The following DNAH11 variants were observed in gnomAD, a reference collection of about 807,000 sequenced individuals.
DNAH11 encodes dynein axonemal heavy chain 11.
A neutral mutation model predicts 526.0 loss-of-function variants in DNAH11; 442 were observed. The ratio of observed to expected loss-of-function variants is 0.84; its 90% CI spans 0.78 to 0.91. The LOEUF (loss-of-function observed/expected upper bound fraction) is 0.91, where lower values mean the gene tolerates loss of function less well. Ranked by LOEUF, DNAH11 falls within the 40% of genes least tolerant of loss-of-function variation. DNAH11 has a pLI of 0.00. For synonymous variants in DNAH11, 2,461 were observed against 1,935.9 expected (o/e 1.27, Z -7.12); for missense variants, 6,989 against 5,448.7 (o/e 1.28, Z -8.90).
chr7:21,579,282 A>T (rs1044163717), intron 8 of DNAH11, among the ~76,000 whole-genome samples: 4 of 152,202 alleles, frequency 2.6e-5, no homozygotes, highest in Admixed American at 2.6e-4. Context: ...TTATTCTGTA[A>T]TATATATTTA....
intron 66 of DNAH11, among the ~76,000 whole-genome samples, chr7:21,847,860 C>T (rs1268285352): frequency 1.3e-5 from 2 of 152,108 alleles, no homozygotes; most frequent in Non-Finnish European, 2.9e-5. Context: ...TAGGTGCATA[C>T]ACATTAAAGA....
At chr7:21,622,139 A>G (rs1786091497) in intron 25 of DNAH11, among the ~76,000 whole-genome samples, 1 of 152,186 alleles carries the variant, frequency 6.6e-6, no homozygotes, top group Admixed American at 6.5e-5. Context: ...TACAAAATCA[A>G]CGTACAAAAA....
intron 28 of DNAH11, among the ~76,000 whole-genome samples, chr7:21,650,461 C>A (rs774006789): frequency 1.3e-5 from 2 of 150,796 alleles, no homozygotes; most frequent in Non-Finnish European, 2.9e-5. Flanking sequence ...TTGTAATATT[C>A]CTCTACAATT....
rs756575486 is a variant in DNAH11, at chr7:21,561,080, C to T, written c.892C>T (p.Pro298Ser). ...TTTTCCTTTAACTTAGCTTCAGGCA[C>T]CTGTTGTCCTCAAAATGGTTAAGAT... ...LSCIYDQLQA[P>S]VVLKMVKILT... The change falls in exon 5 of 82, where the codon CCT becomes TCT. Residue 298 changes from proline (P) to serine (S), a missense_variant. Transcript: ENST00000409508. 3.1e-6 allele frequency: 5 copies of T among 1,596,466 alleles called. No homozygotes were observed. In the African/African-American group the frequency reaches 4.0e-5, roughly 13 times the overall value.
chr7:21,795,277 C>G (rs376342066), intron 61 of DNAH11, among the ~76,000 whole-genome samples: 14 of 152,304 alleles, frequency 9.2e-5, no homozygotes, highest in African/African-American at 3.4e-4. Context: ...TACCTAGTAC[C>G]TAGTGGGTAC....
intron 40 of DNAH11, among the ~76,000 whole-genome samples, chr7:21,710,313 G>C (rs1234577212): frequency 1.3e-5 from 2 of 152,114 alleles, no homozygotes; most frequent in African/African-American, 4.8e-5. Flanking sequence ...TGTTATCTCT[G>C]TTTGGCATAT....
chr7:21,842,693 C>T lies in DNAH11; in HGVS notation c.10841C>T (p.Ala3614Val), dbSNP rs747186804. ...ACAGTCACAGAAGATGGTCTAGAAG[C>T]CCAGCTGCTGGCAGAGGTTGTCAGT... is the stretch of plus-strand genomic sequence containing the variant. ...NFTVTEDGLE[A>V]QLLAEVVSIE... Residue 3614 changes from alanine (A) to valine (V), a missense_variant, in exon 66 of 82, where the codon GCC becomes GTC. Coordinates refer to ENST00000409508, the MANE Select transcript of DNAH11 (RefSeq NM_001277115.2). The T allele has an allele frequency of 1.2e-6, 2 of 1,613,656 alleles. No homozygotes were observed. Among genetic ancestry groups the T allele is most frequent in the African/African-American group, 2.7e-5 (2 of 75,032 alleles).
intron 56 of DNAH11, among the ~76,000 whole-genome samples, chr7:21,775,615 C>CAAA (rs11325043): frequency 3.4e-5 from 5 of 148,186 alleles, no homozygotes; most frequent in African/African-American, 9.9e-5. Flanking sequence ...GACCCTGTCT[C>CAAA]AAAAAAAAAA....
intron 5 of DNAH11, among the ~76,000 whole-genome samples, chr7:21,562,704 C>T (rs1380720867): frequency 2.7e-5 from 4 of 149,190 alleles, no homozygotes; most frequent in Non-Finnish European, 5.9e-5. Flanking sequence ...TATTTAAGGG[C>T]ACTTACCTAC....
intron 65 of DNAH11, among the ~76,000 whole-genome samples, chr7:21,825,616 C>CT (rs11375499): frequency 0.14 from 21,237 of 146,754 alleles, 1,782 homozygotes; most frequent in East Asian, 0.32. Context: ...TTCCTGCCTC[C>CT]TTTTTTTTTT....
At chr7:21,665,836 C>T (rs1782400985) in intron 30 of DNAH11, among the ~76,000 whole-genome samples, 1 of 152,050 alleles carries the variant, frequency 6.6e-6, no homozygotes, top group African/African-American at 2.4e-5. Context: ...GTGACTGGCA[C>T]TAACATGTAT....
chr7:21,588,543 A>G lies in DNAH11; in HGVS notation c.1880A>G (p.Asn627Ser), dbSNP rs780154941. ...IECGHVVLNK[N>S]MPFTSGNMKW... ...TGTGGTCATGTAGTTCTTAACAAGA[A>G]CATGCCATTTACCTCAGGAAATATG... The change falls in exon 11 of 82, where the codon AAC (asparagine) becomes AGC (serine). Residue 627 changes from asparagine to serine, a missense_variant. Asn to Ser is a conservative substitution (Grantham distance 46). Coordinates refer to ENST00000409508, the MANE Select transcript of DNAH11 (RefSeq NM_001277115.2). The G allele has an allele frequency of 6.2e-7, 1 of 1,613,784 alleles. No individual in the cohort carries two copies. The highest frequency in any genetic ancestry group is 1.7e-5 in the Admixed American group (1 of 60,030).
intron 66 of DNAH11, among the ~76,000 whole-genome samples, chr7:21,844,750 T>C (rs1208751758): frequency 6.6e-6 from 1 of 152,234 alleles, no homozygotes; most frequent in African/African-American, 2.4e-5. Context: ...AATCATGTTT[T>C]ACTAAGCCAT....
intron 48 of DNAH11, among the ~76,000 whole-genome samples, chr7:21,740,927 A>T (rs1182624145): frequency 6.6e-6 from 1 of 152,180 alleles, no homozygotes; most frequent in Non-Finnish European, 1.5e-5. Context: ...AATCATGCTA[A>T]TGAGTGTGAG....
At chr7:21,664,732 A>G (rs757858731) in intron 30 of DNAH11, among the ~76,000 whole-genome samples, 27 of 152,122 alleles carry the variant, frequency 1.8e-4, no homozygotes, top group Non-Finnish European at 7.4e-5. Context: ...AAGTGCTGGA[A>G]TTACAGGTGT....
intron 14 of DNAH11, among the ~76,000 whole-genome samples, chr7:21,595,278 C>G (rs1263739137): frequency 6.6e-6 from 1 of 152,184 alleles, no homozygotes; most frequent in Non-Finnish European, 1.5e-5. Flanking sequence ...CCCTCAGGAC[C>G]TAATCACCTC....
At chr7:21,644,547 G>C (rs937226249) in intron 28 of DNAH11, among the ~76,000 whole-genome samples, 1 of 152,144 alleles carries the variant, frequency 6.6e-6, no homozygotes, top group African/African-American at 2.4e-5. Flanking sequence ...AAGATAAGAC[G>C]TATCTAATGT....
Position 21,564,355 on chromosome 7 carries a change from T to TA in DNAH11, c.1153dup (p.Ile385AsnfsTer9). On this transcript the variant is annotated frameshift_variant, in exon 6 of 82. Coordinates refer to ENST00000409508, the MANE Select transcript of DNAH11 (RefSeq NM_001277115.2). LOFTEE classifies it high-confidence loss of function. ...AGTTTTATAACACCCCAGCTCGGGT[T>TA]ATAGTTTTATTGCAAGAGTTTTGTA... The TA allele has an allele frequency of 6.2e-7, 1 of 1,613,472 alleles. No individual in the cohort carries two copies. The highest frequency in any genetic ancestry group is 8.5e-7 in the Non-Finnish European group (1 of 1,179,718).
intron 30 of DNAH11, among the ~76,000 whole-genome samples, chr7:21,676,345 A>T (rs1398830950): frequency 6.6e-6 from 1 of 152,194 alleles, no homozygotes; most frequent in Non-Finnish European, 1.5e-5. Context: ...ACATGATAGG[A>T]TATATTTTCT....
Sources: gnomAD v4.1 joint callset for allele counts (sites outside exome capture counted in the v4.1 genomes callset) on GRCh38, gnomAD v4.1.1 for gene constraint, MANE v1.5 for transcripts, NCBI Gene and HGNC (gene_info 2026-07-23, HGNC 2026-07-21) for gene names.